Variants in DLC1 observed in about 807,000 individuals in gnomAD.
DLC1 encodes DLC1 Rho GTPase activating protein, also known as rho GTPase-activating protein 7.
Under a neutral mutation model 140.3 loss-of-function variants are expected in DLC1, and 54 were observed. The observed-to-expected ratio is 0.38, with a 90% CI of 0.31 to 0.48. The LOEUF (loss-of-function observed/expected upper bound fraction) is 0.48, where lower values mean the gene tolerates loss of function less well. Ranked by LOEUF, DLC1 falls within the 20% of genes least tolerant of loss-of-function variation. The probability of loss-of-function intolerance (pLI) is 0.96; values close to 1 mark genes in which losing one functional copy is unlikely to be tolerated. For synonymous variants in DLC1, 986 were observed against 728.1 expected (o/e 1.35, Z -5.70); for missense variants, 2,536 against 1,907.0 (o/e 1.33, Z -6.14).
chr8:13,260,211 A>G (rs781497297), intron 5 of DLC1, among the ~76,000 whole-genome samples: 3 of 152,186 alleles, frequency 2.0e-5, no homozygotes, highest in Non-Finnish European at 2.9e-5. Flanking sequence ...ATCGTTTCTG[A>G]GCAAAAACAG....
rs1837146999 is a variant in DLC1, at chr8:13,398,419, G to A, written c.1173+3051C>T. 3.3e-5 allele frequency among the ~76,000 whole-genome samples: 5 copies of A among 151,998 alleles called. No homozygotes were observed. In the South Asian group the frequency reaches 1.0e-3, roughly 32 times the overall value. On this transcript the variant is annotated intron_variant, in intron 3 of 17. Coordinates refer to ENST00000276297, the MANE Select transcript of DLC1 (RefSeq NM_182643.3). Reference sequence around the variant, plus strand: ...AGACTGCACTGGCACTGCTGGATCTGTCAAATAAGAGAAAGGATGGGGAGA... The same window carrying A: ...AGACTGCACTGGCACTGCTGGATCTATCAAATAAGAGAAAGGATGGGGAGA...
intron 6 of DLC1, among the ~76,000 whole-genome samples, chr8:13,114,357 G>A (rs192035470): frequency 5.8e-4 from 89 of 152,248 alleles, no homozygotes; most frequent in African/African-American, 2.0e-3. Flanking sequence ...GCGAGACTCC[G>A]TCTCAAAACA....
intron 5 of DLC1, among the ~76,000 whole-genome samples, chr8:13,287,124 A>T (rs750672955): frequency 6.6e-6 from 1 of 152,114 alleles, no homozygotes; most frequent in Non-Finnish European, 1.5e-5. Flanking sequence ...GCCTTCATTG[A>T]TTTCCTAATC....
At chr8:13,195,794 A>T (rs755935937) in intron 5 of DLC1, among the ~76,000 whole-genome samples, 2 of 152,146 alleles carry the variant, frequency 1.3e-5, no homozygotes, top group Non-Finnish European at 2.9e-5. Context: ...ATGTGGCAGG[A>T]ACATCGTGGT....
intron 1 of DLC1, among the ~76,000 whole-genome samples, chr8:13,523,861 T>G (rs1802834924): frequency 1.3e-5 from 2 of 151,840 alleles, no homozygotes; most frequent in Admixed American, 1.3e-4. Context: ...CTGTTCTTTT[T>G]TTTTTAAATT....
chr8:13,519,894 A>G (rs962635173), intron 1 of DLC1, among the ~76,000 whole-genome samples: 2 of 152,252 alleles, frequency 1.3e-5, no homozygotes, highest in African/African-American at 2.4e-5. Context: ...TCTGGTAATT[A>G]GAGAAATGCA....
intron 1 of DLC1, chr8:13,567,549 A>C: frequency 1.3e-6 from 2 of 1,551,776 alleles, no homozygotes; most frequent in Non-Finnish European, 1.7e-6. Flanking sequence ...CAACGCCAAA[A>C]CAGGAGGCAG....
In DLC1 at chr8:13,402,871, A is replaced by G. The variant is rs534001383; in HGVS notation, c.1024-1252T>C. On this transcript the variant is annotated intron_variant, in intron 2 of 17. Coordinates refer to ENST00000276297, the MANE Select transcript of DLC1 (RefSeq NM_182643.3). ...AGGGTCTAGGATAATTTTGTGGGTT[A>G]ATCTAATTTTATAGAACTCTGTATA... Among the ~76,000 whole-genome samples the G allele has an allele frequency of 3.9e-5, 6 of 152,326 alleles. No homozygotes were observed. In the East Asian group the frequency reaches 9.6e-4, roughly 24 times the overall value.
At chr8:13,161,497 C>T (rs1585807375) in intron 5 of DLC1, among the ~76,000 whole-genome samples, 1 of 152,142 alleles carries the variant, frequency 6.6e-6, no homozygotes, top group Non-Finnish European at 1.5e-5. Context: ...CGCACCACCA[C>T]ACCTGGCTAA....
At chr8:13,526,599 A>G (rs1192641362) in intron 1 of DLC1, among the ~76,000 whole-genome samples, 3 of 152,214 alleles carry the variant, frequency 2.0e-5, no homozygotes, top group Non-Finnish European at 4.4e-5. Flanking sequence ...GCCATAAAAA[A>G]GGATGAGTTC....
intron 4 of DLC1, among the ~76,000 whole-genome samples, chr8:13,307,177 C>G (rs547013694): frequency 6.8e-6 from 1 of 148,018 alleles, no homozygotes; most frequent in East Asian, 2.1e-4. Flanking sequence ...CAATCTCAAT[C>G]TACATTTCGT....
chr8:13,243,507 T>A (rs894233647), intron 5 of DLC1, among the ~76,000 whole-genome samples: 1 of 152,050 alleles, frequency 6.6e-6, no homozygotes, highest in African/African-American at 2.4e-5. Flanking sequence ...TACAGCCATG[T>A]GAGAAAAATT....
chr8:13,598,404 C>G (rs1266403579), intron 1 of DLC1, among the ~76,000 whole-genome samples: 1 of 152,010 alleles, frequency 6.6e-6, no homozygotes, highest in African/African-American at 2.4e-5. Context: ...GAGGCTTTGT[C>G]AGTTTCATTG....
intron 1 of DLC1, among the ~76,000 whole-genome samples, chr8:13,603,546 CA>C (rs1409837211): frequency 6.6e-6 from 1 of 151,772 alleles, no homozygotes. Context: ...TTCAATATAA[CA>C]AAAAAGGTGC....
At chr8:13,567,522 C>T in intron 1 of DLC1, 1 of 1,551,970 alleles carries the variant, frequency 6.4e-7, no homozygotes, top group Non-Finnish European at 8.7e-7. Context: ...ACAGAATCTA[C>T]TTTAAAAACA....
chr8:13,488,921 C>A (rs541860645), intron 2 of DLC1, among the ~76,000 whole-genome samples: 3 of 152,026 alleles, frequency 2.0e-5, no homozygotes, highest in Non-Finnish European at 4.4e-5. Context: ...CCAACGAATG[C>A]ATATTCTAGG....
At chr8:13,132,411 T>C (rs559459719) in intron 5 of DLC1, among the ~76,000 whole-genome samples, 2 of 151,722 alleles carry the variant, frequency 1.3e-5, no homozygotes, top group Admixed American at 1.3e-4. Context: ...AAGTTTTTGG[T>C]GAACTTTCAG....
At chr8:13,529,556 G>T (rs1026754727) in intron 1 of DLC1, among the ~76,000 whole-genome samples, 3 of 151,956 alleles carry the variant, frequency 2.0e-5, no homozygotes, top group African/African-American at 7.3e-5. Flanking sequence ...CTCATATTTA[G>T]GAAATATTGT....
chr8:13,170,845 A>T (rs1825427649), intron 5 of DLC1, among the ~76,000 whole-genome samples: 1 of 151,944 alleles, frequency 6.6e-6, no homozygotes, highest in South Asian at 2.1e-4. Flanking sequence ...GTGTCTGGTG[A>T]GAAGAATGGA....
Sources: allele counts gnomAD v4.1 joint callset (sites outside exome capture counted in the v4.1 genomes callset), GRCh38; gene constraint gnomAD v4.1.1; transcripts MANE v1.5; gene names NCBI Gene and HGNC (gene_info 2026-07-23, HGNC 2026-07-21).